The following NEGR1 variants were observed in gnomAD, a reference collection of about 807,000 sequenced individuals.
The protein encoded by NEGR1 is IgLON family member 4.
A neutral mutation model predicts 40.9 loss-of-function variants in NEGR1; 10 were observed. That is an observed-to-expected ratio of 0.24 (90% CI 0.15 to 0.42). The LOEUF is 0.42. NEGR1 is among the 10% of genes least tolerant of loss of function. NEGR1 has a pLI of 1.00. For missense variants in NEGR1, 352 were observed against 438.9 expected (o/e 0.80, Z 1.77); for synonymous variants, 185 against 166.8 (o/e 1.11, Z -0.84).
chr1:72,226,788 T>A (rs1448710231), intron 1 of NEGR1, among the ~76,000 whole-genome samples: 1 of 152,092 alleles, frequency 6.6e-6, no homozygotes, highest in Non-Finnish European at 1.5e-5. Flanking sequence ...TATATTTACT[T>A]TTATTTTTCT....
chr1:72,278,229 A>G (rs1293250675), intron 1 of NEGR1, among the ~76,000 whole-genome samples: 1 of 152,160 alleles, frequency 6.6e-6, no homozygotes, highest in African/African-American at 2.4e-5. Flanking sequence ...GTAAAAGAAG[A>G]TATCACAATT....
At chr1:72,177,123 G>C (rs909371677) in intron 1 of NEGR1, among the ~76,000 whole-genome samples, 1 of 152,064 alleles carries the variant, frequency 6.6e-6, no homozygotes, top group African/African-American at 2.4e-5. Flanking sequence ...CGATCTAAGT[G>C]TTGTAGTAGT....
At chr1:72,187,594 C>G (rs1255627246) in intron 1 of NEGR1, among the ~76,000 whole-genome samples, 1 of 151,112 alleles carries the variant, frequency 6.6e-6, no homozygotes, top group East Asian at 1.9e-4. Context: ...CCAAAACAAA[C>G]AAACAAACTA....
chr1:71,566,033 T>A (rs1320890473), intron 6 of NEGR1, among the ~76,000 whole-genome samples: 2 of 151,990 alleles, frequency 1.3e-5, no homozygotes, highest in Non-Finnish European at 2.9e-5. Flanking sequence ...CAACAATTGC[T>A]GACATCTACC....
chr1:72,218,715 T>A (rs776664168), intron 1 of NEGR1, among the ~76,000 whole-genome samples: 9 of 151,496 alleles, frequency 5.9e-5, no homozygotes, highest in Non-Finnish European at 1.0e-4. Context: ...ATTAAGAGAA[T>A]GAAAAGAAAA....
chr1:71,967,353 C>T (rs984165320), intron 1 of NEGR1, among the ~76,000 whole-genome samples: 6 of 152,056 alleles, frequency 3.9e-5, no homozygotes, highest in Non-Finnish European at 8.8e-5. Context: ...TCAGCCCAAC[C>T]GTCATCCAAA....
intron 6 of NEGR1, among the ~76,000 whole-genome samples, chr1:71,559,997 A>C (rs1238293309): frequency 6.6e-6 from 1 of 151,370 alleles, no homozygotes; most frequent in Non-Finnish European, 1.5e-5. Flanking sequence ...GTGTTATTGA[A>C]AGACCAGCTG....
At chr1:71,861,312 A>G (rs142848585) in intron 2 of NEGR1, among the ~76,000 whole-genome samples, 97 of 152,130 alleles carry the variant, frequency 6.4e-4, no homozygotes, top group African/African-American at 2.2e-3. Flanking sequence ...TACAGGAAAC[A>G]CCATACACTA....
At chr1:71,760,072 C>T (rs986987828) in intron 3 of NEGR1, among the ~76,000 whole-genome samples, 2 of 152,074 alleles carry the variant, frequency 1.3e-5, no homozygotes, top group African/African-American at 4.8e-5. Flanking sequence ...ATTATCTGCT[C>T]CCCAGATTCA....
At chr1:71,776,517 G>A (rs1273539138) in intron 2 of NEGR1, among the ~76,000 whole-genome samples, 1 of 151,864 alleles carries the variant, frequency 6.6e-6, no homozygotes, top group Non-Finnish European at 1.5e-5. Context: ...AAATACCTCA[G>A]GATAAATGGA....
At chr1:72,051,336 A>G (rs1647058419) in intron 1 of NEGR1, among the ~76,000 whole-genome samples, 1 of 151,508 alleles carries the variant, frequency 6.6e-6, no homozygotes, top group Non-Finnish European at 1.5e-5. Flanking sequence ...GATTTCTCCA[A>G]TATAAATATA....
intron 1 of NEGR1, among the ~76,000 whole-genome samples, chr1:72,113,416 AAGTG>A (rs1210130056): frequency 2.0e-5 from 3 of 150,276 alleles, no homozygotes; most frequent in Non-Finnish European, 4.5e-5. Flanking sequence ...TGGCAGTTAG[AAGTG>A]AGTAAGCTTT....
intron 1 of NEGR1, among the ~76,000 whole-genome samples, chr1:72,196,670 A>G (rs1189659938): frequency 2.4e-5 from 1 of 42,274 alleles, no homozygotes; most frequent in Non-Finnish European, 5.6e-5. Context: ...CAAGTGATCA[A>G]GGATGATCAC....
chr1:72,123,270 A>G (rs1412851916), intron 1 of NEGR1, among the ~76,000 whole-genome samples: 1 of 151,926 alleles, frequency 6.6e-6, no homozygotes, highest in Non-Finnish European at 1.5e-5. Flanking sequence ...AATCATTTCC[A>G]TATCAGTTTA....
chr1:71,624,979 T>C (rs1216952177), intron 4 of NEGR1, among the ~76,000 whole-genome samples: 1 of 152,010 alleles, frequency 6.6e-6, no homozygotes, highest in Non-Finnish European at 1.5e-5. Context: ...CTAAGACCAG[T>C]GCCTGAAGCA....
At chr1:71,495,432 G>A (rs1341412277) in intron 6 of NEGR1, among the ~76,000 whole-genome samples, 8 of 149,824 alleles carry the variant, frequency 5.3e-5, no homozygotes, top group Admixed American at 2.0e-4. Context: ...AGCTGAGATC[G>A]CACCACTGCA....
intron 1 of NEGR1, among the ~76,000 whole-genome samples, chr1:72,114,069 A>G (rs541879737): frequency 2.6e-5 from 4 of 151,884 alleles, no homozygotes; most frequent in African/African-American, 9.6e-5. Context: ...AAATTGATCA[A>G]CGTATTGAGT....
chr1:71,760,685 G>A (rs542727085), intron 3 of NEGR1, among the ~76,000 whole-genome samples: 17 of 152,090 alleles, frequency 1.1e-4, no homozygotes, highest in African/African-American at 4.1e-4. Flanking sequence ...ATAATTTGCC[G>A]GTTTTACTGA....
intron 1 of NEGR1, among the ~76,000 whole-genome samples, chr1:72,188,960 A>C (rs141273858): frequency 1.3e-5 from 2 of 151,630 alleles, no homozygotes; most frequent in African/African-American, 4.8e-5. Context: ...TATATCCATA[A>C]ATATATGCCC....
Sources: allele counts gnomAD v4.1 joint callset (sites outside exome capture counted in the v4.1 genomes callset), GRCh38; gene constraint gnomAD v4.1.1; transcripts MANE v1.5; gene names NCBI Gene and HGNC (gene_info 2026-07-23, HGNC 2026-07-21).